GARIN1A: variants seen among roughly 807,000 people sequenced by gnomAD.
GARIN1A encodes Golgi-associated RAB2 interactor protein 1A.
At chr7:128,673,002 A>G in the GARIN1A span, among the ~76,000 whole-genome samples, 1 of 152,170 alleles carries the variant, frequency 6.6e-6, no homozygotes, top group Non-Finnish European at 1.5e-5. Context: ...ACCATTCCCT[A>G]AAAGGATGGT....
At chr7:128,676,632 A>C in the GARIN1A span, among the ~76,000 whole-genome samples, 3 of 151,844 alleles carry the variant, frequency 2.0e-5, no homozygotes, top group African/African-American at 4.8e-5. Context: ...TCCAAGGAAA[A>C]GGTGGGGATA....
chr7:128,694,307 G>T, the GARIN1A span, among the ~76,000 whole-genome samples: 4 of 151,944 alleles, frequency 2.6e-5, no homozygotes, highest in South Asian at 8.3e-4. Context: ...TGAGGCGGGC[G>T]GATCACTTGA....
At chr7:128,673,148 G>T in the GARIN1A span, among the ~76,000 whole-genome samples, 49 of 152,248 alleles carry the variant, frequency 3.2e-4, no homozygotes, top group African/African-American at 1.1e-3. Flanking sequence ...ATGCTCCTGC[G>T]CAGGAGAGCA....
the GARIN1A span, among the ~76,000 whole-genome samples, chr7:128,696,384 T>G: frequency 1.3e-5 from 2 of 152,172 alleles, no homozygotes; most frequent in African/African-American, 2.4e-5. Context: ...TGCCCCTCTG[T>G]GTCTCATTTT....
At chr7:128,680,062 C>T in the GARIN1A span, 2 of 1,578,528 alleles carry the variant, frequency 1.3e-6, no homozygotes, top group African/African-American at 1.3e-5. Context: ...TCCCCCCAGC[C>T]CAGCGAGCCC....
the GARIN1A span, chr7:128,672,502 AT>A: frequency 1.2e-6 from 2 of 1,610,088 alleles, no homozygotes; most frequent in Non-Finnish European, 1.7e-6. Context: ...ATTCTCCAGA[AT>A]TCAATTTGTT....
chr7:128,702,399 A>C, the GARIN1A span, among the ~76,000 whole-genome samples: 2 of 152,190 alleles, frequency 1.3e-5, no homozygotes, highest in Non-Finnish European at 2.9e-5. Flanking sequence ...TATTGGAAAG[A>C]CCTGTTGTAA....
the GARIN1A span, among the ~76,000 whole-genome samples, chr7:128,688,596 A>G: frequency 6.6e-6 from 1 of 152,080 alleles, no homozygotes; most frequent in Non-Finnish European, 1.5e-5. Context: ...TTCACTCCTG[A>G]AAATCCTAAG....
chr7:128,699,270 C>A, the GARIN1A span, among the ~76,000 whole-genome samples: 2,869 of 143,678 alleles, frequency 0.02, 225 homozygotes, highest in South Asian at 0.051. Flanking sequence ...GCCCCCCCCC[C>A]CCCACCACCA....
the GARIN1A span, among the ~76,000 whole-genome samples, chr7:128,671,889 G>A: frequency 6.6e-6 from 1 of 151,780 alleles, no homozygotes; most frequent in Non-Finnish European, 1.5e-5. Flanking sequence ...GGGTAGGGAA[G>A]ATGAACTCCC....
the GARIN1A span, among the ~76,000 whole-genome samples, chr7:128,699,212 A>G: frequency 6.6e-6 from 1 of 152,140 alleles, no homozygotes; most frequent in East Asian, 1.9e-4. Flanking sequence ...AAAGATTCCA[A>G]TAATACAGAA....
the GARIN1A span, among the ~76,000 whole-genome samples, chr7:128,700,279 ATTTTGTTTT>A: frequency 8.4e-6 from 1 of 119,474 alleles, no homozygotes; most frequent in Non-Finnish European, 1.8e-5. Context: ...TTTGTTTTGT[ATTTTGTTTT>A]TTTTTTTTTT....
chr7:128,681,145 G>A, the GARIN1A span, among the ~76,000 whole-genome samples: 3 of 152,128 alleles, frequency 2.0e-5, no homozygotes, highest in Non-Finnish European at 4.4e-5. Context: ...ATAGCATATG[G>A]GCTCTCTCTG....
At chr7:128,683,312 GAGTCCCTAATTTTTGC>G in the GARIN1A span, 2 of 589,996 alleles carry the variant, frequency 3.4e-6, no homozygotes, top group South Asian at 2.6e-5. Context: ...ACTTCCAAGT[GAGTCCCTAATTTTTGC>G]AGGTTGGGCT....
the GARIN1A span, among the ~76,000 whole-genome samples, chr7:128,699,266 C>T: frequency 8.5e-5 from 12 of 141,162 alleles, no homozygotes; most frequent in Admixed American, 4.1e-4. Context: ...TGCTGCCCCC[C>T]CCCCCCCACC....
the GARIN1A span, chr7:128,675,922 A>G: frequency 8.2e-7 from 1 of 1,224,296 alleles, no homozygotes; most frequent in Non-Finnish European, 1.2e-6. Flanking sequence ...ATTGCTTTGT[A>G]GCTGGATTTT....
At chr7:128,707,904 T>TCTTC in the GARIN1A span, among the ~76,000 whole-genome samples, 5 of 152,014 alleles carry the variant, frequency 3.3e-5, no homozygotes, top group East Asian at 3.9e-4. Context: ...TCTTGCTTTT[T>TCTTC]CTTCCTTCCT....
chr7:128,672,599 G>A, the GARIN1A span: 2 of 1,241,206 alleles, frequency 1.6e-6, no homozygotes, highest in Non-Finnish European at 2.1e-6. Flanking sequence ...TCCAAAACCT[G>A]TTCCTAGGGG....
At chr7:128,675,508 C>T in the GARIN1A span, 8 of 652,438 alleles carry the variant, frequency 1.2e-5, no homozygotes, top group Admixed American at 1.4e-4. Context: ...CAGCCAATGA[C>T]CTTAAAGTGT....
Sources: gnomAD v4.1 joint callset for allele counts (sites outside exome capture counted in the v4.1 genomes callset) on GRCh38, gnomAD v4.1.1 for gene constraint, MANE v1.5 for transcripts, NCBI Gene and HGNC (gene_info 2026-07-23, HGNC 2026-07-21) for gene names.